Variants in TYW1 observed in about 807,000 individuals in gnomAD.
TYW1 encodes the protein S-adenosyl-L-methionine-dependent tRNA 4-demethylwyosine synthase TYW1.
A neutral mutation model predicts 96.2 loss-of-function variants in TYW1; 46 were observed. That is an observed-to-expected ratio of 0.48 (90% CI 0.38 to 0.61). TYW1 has a LOEUF of 0.61. TYW1 is among the 20% of genes least tolerant of loss of function. The pLI is 0.00. For missense variants in TYW1, 684 were observed against 909.6 expected (o/e 0.75, Z 3.19); for synonymous variants, 274 against 323.0 (o/e 0.85, Z 1.63).
intron 15 of TYW1, among the ~76,000 whole-genome samples, chr7:67,234,664 C>T (rs1347197112): frequency 1.3e-5 from 2 of 152,138 alleles, no homozygotes; most frequent in African/African-American, 4.8e-5. Flanking sequence ...CTTTGGGAAT[C>T]AGAGCAGTCA....
chr7:67,158,245 C>T (rs1473246360), intron 13 of TYW1, among the ~76,000 whole-genome samples: 2 of 151,832 alleles, frequency 1.3e-5, no homozygotes, highest in African/African-American at 4.8e-5. Context: ...TGCGCCACCA[C>T]ATGTGGCTAA....
intron 11 of TYW1, among the ~76,000 whole-genome samples, chr7:67,097,347 C>A (rs911018463): frequency 3.3e-5 from 5 of 152,220 alleles, no homozygotes; most frequent in East Asian, 3.8e-4. Context: ...TATTGCCCAG[C>A]CTTGCACCCA....
chr7:67,168,121 C>T (rs1799406786), intron 13 of TYW1, among the ~76,000 whole-genome samples: 1 of 103,706 alleles, frequency 9.6e-6, no homozygotes, highest in Non-Finnish European at 2.1e-5. Flanking sequence ...CTTTATGTGA[C>T]TATTATCAAT....
intron 7 of TYW1, among the ~76,000 whole-genome samples, chr7:67,047,442 A>C (rs1584499073): frequency 6.6e-6 from 1 of 152,324 alleles, no homozygotes; most frequent in East Asian, 1.9e-4. Context: ...TTATTTGTAT[A>C]AAAGGCCTAG....
chr7:67,120,411 ACT>A (rs1857990958), intron 13 of TYW1, among the ~76,000 whole-genome samples: 1 of 152,106 alleles, frequency 6.6e-6, no homozygotes, highest in Non-Finnish European at 1.5e-5. Context: ...ATGGGTGGAA[ACT>A]CAACAGAGAT....
intron 15 of TYW1, 147 bp downstream of exon 15, chr7:67,195,484 T>C: frequency 8.2e-7 from 1 of 1,212,292 alleles, no homozygotes; most frequent in South Asian, 1.5e-5. Flanking sequence ...GAGCACTAAA[T>C]TCTGTCTGCT....
At chr7:67,089,321 G>A in intron 11 of TYW1, 1 of 1,321,612 alleles carries the variant, frequency 7.6e-7, no homozygotes. Flanking sequence ...TGCCTTTTGG[G>A]AGGGCCCTTC....
intron 13 of TYW1, among the ~76,000 whole-genome samples, chr7:67,176,490 TA>T (rs1157136587): frequency 6.6e-6 from 1 of 152,198 alleles, no homozygotes; most frequent in East Asian, 1.9e-4. Flanking sequence ...CTTAGTCTGG[TA>T]AAAAGAATGT....
At position 67,040,812 on chromosome 7, in the gene TYW1, C is replaced by G. The variant is rs1584492924; in HGVS notation, c.985-9137C>G. 2.0e-5 allele frequency among the ~76,000 whole-genome samples: 3 copies of G among 151,920 alleles called. No individual in the cohort carries two copies. The South Asian group carries it at 6.2e-4, about 32-fold the overall frequency. ...TGAGCCGAGATCACGCCACTGCACT[C>G]CAGCCTGGGTGACAGAGTGAGACCC... is the stretch of plus-strand genomic sequence containing the variant. On this transcript the variant is annotated intron_variant, in intron 7 of 15. Transcript: ENST00000359626.
At chr7:67,224,424 GC>G (rs1409975311) in intron 15 of TYW1, among the ~76,000 whole-genome samples, 4 of 152,218 alleles carry the variant, frequency 2.6e-5, no homozygotes, top group Admixed American at 6.5e-5. Context: ...ACCATGCCCG[GC>G]CAATACTTGT....
intron 8 of TYW1, among the ~76,000 whole-genome samples, chr7:67,053,019 G>A (rs13307436): frequency 0.074 from 11,144 of 150,988 alleles, 451 homozygotes; most frequent in South Asian, 0.11. Context: ...GGGATTACAG[G>A]CTTGAGCCAC....
chr7:67,150,206 C>T (rs1389686573), intron 13 of TYW1, among the ~76,000 whole-genome samples: 4 of 152,114 alleles, frequency 2.6e-5, no homozygotes, highest in Non-Finnish European at 4.4e-5. Context: ...TGTGGTAGGA[C>T]TGAGGACAGG....
intron 9 of TYW1, among the ~76,000 whole-genome samples, chr7:67,058,214 G>T (rs544389271): frequency 3.3e-5 from 5 of 152,212 alleles, no homozygotes; most frequent in East Asian, 1.9e-4. Context: ...GGTTACAGGC[G>T]TAGGCCACTG....
At chr7:67,046,922 C>T (rs759890967) in intron 7 of TYW1, among the ~76,000 whole-genome samples, 4 of 152,138 alleles carry the variant, frequency 2.6e-5, no homozygotes, top group African/African-American at 4.8e-5. Context: ...CCTTTGGAGT[C>T]TGTTCATTTT....
At chr7:67,207,717 C>CTTTTTT (rs749961615) in intron 15 of TYW1, among the ~76,000 whole-genome samples, 1 of 103,462 alleles carries the variant, frequency 9.7e-6, no homozygotes. Flanking sequence ...TTTTGTTTGC[C>CTTTTTT]TTTTTTTTTT....
intron 13 of TYW1, among the ~76,000 whole-genome samples, chr7:67,124,115 AT>A (rs1167514531): frequency 6.6e-6 from 1 of 152,232 alleles, no homozygotes; most frequent in African/African-American, 2.4e-5. Context: ...AAAATGACTC[AT>A]ACTTTACCAG....
At chr7:67,202,477 A>G (rs749368173) in intron 15 of TYW1, among the ~76,000 whole-genome samples, 1 of 151,974 alleles carries the variant, frequency 6.6e-6, no homozygotes, top group South Asian at 2.1e-4. Context: ...GCTCATTGCA[A>G]CCTCAACCTC....
At chr7:67,211,265 G>A in intron 15 of TYW1, among the ~76,000 whole-genome samples, 1 of 150,544 alleles carries the variant, frequency 6.6e-6, no homozygotes, top group Admixed American at 6.6e-5. Flanking sequence ...AACTTACAGT[G>A]GTTCAACTTG....
chr7:67,121,794 A>C (rs1290617860), intron 13 of TYW1, among the ~76,000 whole-genome samples: 7 of 151,252 alleles, frequency 4.6e-5, no homozygotes, highest in African/African-American at 1.7e-4. Context: ...AGAAGGTAGC[A>C]TATTTTGTTT....
Sources: allele counts gnomAD v4.1 joint callset (sites outside exome capture counted in the v4.1 genomes callset), GRCh38; gene constraint gnomAD v4.1.1; transcripts MANE v1.5; gene names NCBI Gene and HGNC (gene_info 2026-07-23, HGNC 2026-07-21).